Variants in PDGFRL observed in about 807,000 individuals in gnomAD.
PDGFRL encodes platelet-derived growth factor receptor-like protein.
Under a neutral mutation model 37.2 loss-of-function variants are expected in PDGFRL, and 46 were observed. That is an observed-to-expected ratio of 1.24 (90% CI 0.98 to 1.58). PDGFRL has a LOEUF of 1.58. Ranked by LOEUF, PDGFRL falls within the 40% of genes most tolerant of loss-of-function variation. The pLI, the probability that PDGFRL is intolerant of heterozygous loss-of-function variation, is 0.00. For missense variants in PDGFRL, 692 were observed against 467.6 expected (o/e 1.48, Z -4.43); for synonymous variants, 251 against 184.3 (o/e 1.36, Z -2.93).
At chr8:17,642,159 A>C (rs1805132942) in intron 5 of PDGFRL, among the ~76,000 whole-genome samples, 1 of 152,014 alleles carries the variant, frequency 6.6e-6, no homozygotes, top group Non-Finnish European at 1.5e-5. Context: ...AATCTGAGCA[A>C]TTGGGAGCTC....
chr8:17,577,195 G>A, upstream of PDGFRL: 1 of 1,573,858 alleles, frequency 6.4e-7, no homozygotes, highest in Non-Finnish European at 8.6e-7. Context: ...CGCCTCCCCT[G>A]CGTCCCCGCC....
At chr8:17,599,223 G>A (rs75294242) in intron 2 of PDGFRL, among the ~76,000 whole-genome samples, 240 of 152,120 alleles carry the variant, frequency 1.6e-3, no homozygotes, top group Admixed American at 2.7e-3. Context: ...TCAGATCCTG[G>A]TGCACCCGTC....
chr8:17,590,122 T>G (rs979024122), intron 2 of PDGFRL, among the ~76,000 whole-genome samples: 6 of 150,136 alleles, frequency 4.0e-5, no homozygotes, highest in Non-Finnish European at 8.9e-5. Flanking sequence ...TCCCAGCTAC[T>G]CAGGAGGCTG....
chr8:17,589,438 A>G lies in PDGFRL; in HGVS notation c.56-30A>G, dbSNP rs773013062. On this transcript the variant is annotated intron_variant, in intron 1 of 5. Transcript: ENST00000251630. ...AATATTCCAAAAATGTCATTACTACAGCGCATTTCTCTCTCCTTACGTTTT... is the reference window on the plus strand; with the variant it reads ...AATATTCCAAAAATGTCATTACTACGGCGCATTTCTCTCTCCTTACGTTTT... 73 of 1,540,136 alleles carry G rather than the reference A, an allele frequency of 4.7e-5. 1 individual carries two copies. The South Asian group carries it at 6.7e-4, about 14-fold the overall frequency.
intron 4 of PDGFRL, among the ~76,000 whole-genome samples, chr8:17,633,809 C>A (rs1235279940): frequency 2.6e-5 from 4 of 152,098 alleles, no homozygotes; most frequent in African/African-American, 7.2e-5. Flanking sequence ...ACTGATGGAC[C>A]TCTGAGCTTC....
intron 1 of PDGFRL, among the ~76,000 whole-genome samples, chr8:17,582,750 G>C (rs1803734418): frequency 6.6e-6 from 1 of 152,158 alleles, no homozygotes; most frequent in Non-Finnish European, 1.5e-5. Flanking sequence ...GAATCCAAGG[G>C]CACAGTTGAG....
intron 2 of PDGFRL, among the ~76,000 whole-genome samples, chr8:17,600,998 A>C (rs1804155348): frequency 1.3e-5 from 2 of 152,042 alleles, no homozygotes; most frequent in Admixed American, 1.3e-4. Flanking sequence ...ATAATAAACA[A>C]ACTGAGCTCA....
intron 3 of PDGFRL, among the ~76,000 whole-genome samples, chr8:17,627,413 A>G (rs369656739): frequency 3.4e-4 from 51 of 152,222 alleles, no homozygotes; most frequent in Middle Eastern, 3.4e-3. Flanking sequence ...TATGTAATCT[A>G]TAATTATTCA....
chr8:17,614,674 G>T (rs1275894520), intron 2 of PDGFRL, among the ~76,000 whole-genome samples: 1 of 152,138 alleles, frequency 6.6e-6, no homozygotes, highest in Non-Finnish European at 1.5e-5. Context: ...CAGCTCCCAG[G>T]CTCAAGTGAT....
At chr8:17,592,305 G>C (rs1463707107) in intron 2 of PDGFRL, among the ~76,000 whole-genome samples, 1 of 152,180 alleles carries the variant, frequency 6.6e-6, no homozygotes, top group African/African-American at 2.4e-5. Context: ...ATGGGAATCT[G>C]TCCATTTGCA....
intron 2 of PDGFRL, among the ~76,000 whole-genome samples, chr8:17,594,470 A>T (rs910087205): frequency 6.6e-5 from 10 of 151,898 alleles, no homozygotes; most frequent in Non-Finnish European, 4.4e-5. Context: ...TGAATTCCTG[A>T]CCTCAACTGA....
At chr8:17,619,704 A>T (rs1481585159) in intron 2 of PDGFRL, among the ~76,000 whole-genome samples, 1 of 152,242 alleles carries the variant, frequency 6.6e-6, no homozygotes, top group Non-Finnish European at 1.5e-5. Flanking sequence ...TGGATATTGC[A>T]TAATGCTGTG....
chr8:17,589,311 G>C (rs914738278), intron 1 of PDGFRL, among the ~76,000 whole-genome samples, 157 bp from the exon 2 acceptor site: 1 of 152,010 alleles, frequency 6.6e-6, no homozygotes, highest in Non-Finnish European at 1.5e-5. Context: ...ACTTGAACCT[G>C]GGAGGTGGAG....
In PDGFRL at chr8:17,606,340, A is replaced by G. The variant is rs191669098; in HGVS notation, c.354-14711A>G. On this transcript the variant is annotated intron_variant, in intron 2 of 5. Coordinates refer to ENST00000251630, the MANE Select transcript of PDGFRL (RefSeq NM_001372073.1). ...CTCACTTTCCTCCAAAGCTCGTTTTATTTTATTTTCTGAGCAGAACAAATG... is the reference window on the plus strand; with the variant it reads ...CTCACTTTCCTCCAAAGCTCGTTTTGTTTTATTTTCTGAGCAGAACAAATG... Among the ~76,000 whole-genome samples, 926 of 152,224 alleles carry G rather than the reference A, an allele frequency of 6.1e-3. 6 individuals carry two copies. The highest frequency in any genetic ancestry group is 0.01 in the Middle Eastern group (3 of 294).
At chr8:17,606,879 G>GTT (rs1361616983) in intron 2 of PDGFRL, among the ~76,000 whole-genome samples, 3 of 59,048 alleles carry the variant, frequency 5.1e-5, no homozygotes, top group African/African-American at 1.3e-4. Context: ...CCAGTTTTTC[G>GTT]TTTTTTGTTT....
intron 3 of PDGFRL, among the ~76,000 whole-genome samples, chr8:17,622,492 T>A (rs761556822): frequency 1.3e-5 from 2 of 152,188 alleles, no homozygotes; most frequent in Non-Finnish European, 2.9e-5. Context: ...TTTAGTACAA[T>A]CTTATGTATT....
At chr8:17,616,758 T>C (rs1804538447) in intron 2 of PDGFRL, among the ~76,000 whole-genome samples, 1 of 152,126 alleles carries the variant, frequency 6.6e-6, no homozygotes, top group South Asian at 2.1e-4. Context: ...TCTCTAGACA[T>C]CATTGCATCC....
chr8:17,606,152 G>C (rs2517189), intron 2 of PDGFRL, among the ~76,000 whole-genome samples: 151,992 of 152,358 alleles, frequency 1, 75,817 homozygotes, highest in Non-Finnish European at 1. Context: ...ATGTTGTGGA[G>C]AGTACTCTGG....
intron 2 of PDGFRL, among the ~76,000 whole-genome samples, chr8:17,605,601 G>A (rs1376899196): frequency 1.3e-5 from 2 of 152,168 alleles, no homozygotes; most frequent in Admixed American, 6.5e-5. Flanking sequence ...AGTGGGTCTG[G>A]ACGAAGGCTT....
Sources: allele counts gnomAD v4.1 joint callset (sites outside exome capture counted in the v4.1 genomes callset), GRCh38; gene constraint gnomAD v4.1.1; transcripts MANE v1.5; gene names NCBI Gene and HGNC (gene_info 2026-07-23, HGNC 2026-07-21).